The following AHCY variants were observed in gnomAD, a reference collection of about 807,000 sequenced individuals.
AHCY encodes the protein adenosylhomocysteinase.
A neutral mutation model predicts 45.4 loss-of-function variants in AHCY; 24 were observed. The observed-to-expected ratio is 0.53, with a 90% CI of 0.38 to 0.74. The LOEUF (loss-of-function observed/expected upper bound fraction) is 0.74, where lower values mean the gene tolerates loss of function less well. Ranked by LOEUF, AHCY falls within the 30% of genes least tolerant of loss-of-function variation. The pLI, the probability that AHCY is intolerant of heterozygous loss-of-function variation, is 0.00. For synonymous variants in AHCY, 245 were observed against 235.1 expected (o/e 1.04, Z -0.39); for missense variants, 449 against 594.1 (o/e 0.76, Z 2.54).
At position 34,291,435 on chromosome 20, in the gene AHCY, T is replaced by C; in HGVS notation, c.542A>G (p.Asn181Ser). 1.2e-6 allele frequency: 2 copies of C among 1,614,098 alleles called. No individual in the cohort carries two copies. Among genetic ancestry groups the C allele is most frequent in the Non-Finnish European group, 8.5e-7 (1 of 1,179,970 alleles). ...GILKVPAINV[N>S]DSVTKSKFDN... is the part of the protein sequence containing the mutation. ...TCGGCTCACCTTGGTGACGGAGTCA[T>C]TGACATTGATGGCAGGCACCTTGAG... The change falls in exon 5 of 10, where the codon AAT (asparagine) becomes AGT (serine). Residue 181 changes from asparagine (N) to serine (S), a missense_variant. By Grantham distance (46) the Asn-to-Ser change is conservative (BLOSUM62 1). Coordinates refer to ENST00000217426, the MANE Select transcript of AHCY (RefSeq NM_000687.4).
intron 1 of AHCY, among the ~76,000 whole-genome samples, chr20:34,309,670 A>G (rs1319050369): frequency 1.3e-5 from 2 of 152,124 alleles, no homozygotes; most frequent in Non-Finnish European, 1.5e-5. Context: ...AATCCCAGCT[A>G]CTTGGGAGGC....
At chr20:34,276,026 TG>T (rs537900380), downstream of AHCY, among the ~76,000 whole-genome samples, 231 of 152,166 alleles carry the variant, frequency 1.5e-3, 2 homozygotes, top group Non-Finnish European at 2.6e-3. Flanking sequence ...CTGGCCTTCG[TG>T]GGGGCAAAGG....
chr20:34,258,152 A>T, the AHCY span, among the ~76,000 whole-genome samples: 1 of 152,004 alleles, frequency 6.6e-6, no homozygotes, highest in Non-Finnish European at 1.5e-5. Flanking sequence ...TTAAAAAAAA[A>T]AAGAGAGAAA....
the AHCY span, among the ~76,000 whole-genome samples, chr20:34,261,615 CAG>C: frequency 4.6e-5 from 7 of 151,924 alleles, no homozygotes; most frequent in Non-Finnish European, 8.8e-5. Flanking sequence ...GCCTGAGTGA[CAG>C]AGTGAGATCC....
At chr20:34,233,555 A>C in the AHCY span, among the ~76,000 whole-genome samples, 1 of 152,170 alleles carries the variant, frequency 6.6e-6, no homozygotes, top group Non-Finnish European at 1.5e-5. Flanking sequence ...AAACCTTCCA[A>C]AGGGTGAATT....
chr20:34,251,832 G>GA, the AHCY span, among the ~76,000 whole-genome samples: 1 of 152,106 alleles, frequency 6.6e-6, no homozygotes, highest in African/African-American at 2.4e-5. Context: ...AGATTAGAGA[G>GA]ATGATGGCTG....
At chr20:34,273,018 C>A in the AHCY span, among the ~76,000 whole-genome samples, 1 of 152,180 alleles carries the variant, frequency 6.6e-6, no homozygotes, top group Non-Finnish European at 1.5e-5. Flanking sequence ...TTCTAGGAAC[C>A]CCAGCATGTC....
chr20:34,274,781 T>C, the AHCY span, among the ~76,000 whole-genome samples: 1 of 151,640 alleles, frequency 6.6e-6, no homozygotes, highest in Admixed American at 6.6e-5. Flanking sequence ...CCCCCATCTC[T>C]ACAAAAAAAA....
At chr20:34,301,678 C>A (rs2036776815) in intron 1 of AHCY, 3 of 468,532 alleles carry the variant, frequency 6.4e-6, no homozygotes, top group African/African-American at 6.3e-5. Context: ...ACCCAATGGC[C>A]CCAATCCTGA....
the AHCY span, among the ~76,000 whole-genome samples, chr20:34,243,055 C>T: frequency 2.0e-5 from 3 of 152,262 alleles, no homozygotes; most frequent in African/African-American, 7.2e-5. Context: ...CGCCTATCAG[C>T]ATTGTATTCC....
chr20:34,299,462 G>A (rs934580366), intron 1 of AHCY, among the ~76,000 whole-genome samples: 1 of 152,066 alleles, frequency 6.6e-6, no homozygotes, highest in African/African-American at 2.4e-5. Flanking sequence ...CAGACTTTAG[G>A]GTTTGGGGGC....
chr20:34,271,754 AG>A, the AHCY span, among the ~76,000 whole-genome samples: 45 of 152,016 alleles, frequency 3.0e-4, no homozygotes, highest in African/African-American at 1.1e-3. Flanking sequence ...TAGTAGAGAC[AG>A]GGTTTCACCA....
At chr20:34,289,822 T>C (rs1416104716) in intron 8 of AHCY, among the ~76,000 whole-genome samples, 1 of 152,040 alleles carries the variant, frequency 6.6e-6, no homozygotes, top group Non-Finnish European at 1.5e-5. Context: ...GTTTCAACCA[T>C]GTTGGCCAGG....
the AHCY span, among the ~76,000 whole-genome samples, chr20:34,263,391 C>T: frequency 6.6e-6 from 1 of 152,070 alleles, no homozygotes; most frequent in South Asian, 2.1e-4. Flanking sequence ...ATGGTGAAAC[C>T]CCGTCTCTAC....
At chr20:34,248,386 C>G in the AHCY span, among the ~76,000 whole-genome samples, 1 of 152,058 alleles carries the variant, frequency 6.6e-6, no homozygotes, top group Non-Finnish European at 1.5e-5. Flanking sequence ...TATAAAAATC[C>G]CATTACTTAG....
chr20:34,250,759 A>C, the AHCY span, among the ~76,000 whole-genome samples: 1 of 152,126 alleles, frequency 6.6e-6, no homozygotes, highest in South Asian at 2.1e-4. Flanking sequence ...TTCCATTCTC[A>C]TCTCTCACTA....
the AHCY span, among the ~76,000 whole-genome samples, chr20:34,267,732 T>C: frequency 2.0e-5 from 3 of 152,070 alleles, no homozygotes; most frequent in East Asian, 5.8e-4. Context: ...GGTTTCTCCA[T>C]GTCGGTCGGG....
chr20:34,248,776 G>A, the AHCY span, among the ~76,000 whole-genome samples: 1 of 152,020 alleles, frequency 6.6e-6, no homozygotes, highest in African/African-American at 2.4e-5. Context: ...TTCCAGCCTG[G>A]GTGACAGAGC....
chr20:34,250,976 AT>A, the AHCY span, among the ~76,000 whole-genome samples: 1 of 152,054 alleles, frequency 6.6e-6, no homozygotes, highest in Non-Finnish European at 1.5e-5. Context: ...TGTCTCTTAT[AT>A]TCCCTCAAGC....
Sources: gnomAD v4.1 joint callset for allele counts (sites outside exome capture counted in the v4.1 genomes callset) on GRCh38, gnomAD v4.1.1 for gene constraint, MANE v1.5 for transcripts, NCBI Gene and HGNC (gene_info 2026-07-23, HGNC 2026-07-21) for gene names.